Variants in KDM4B observed in about 807,000 individuals in gnomAD.
The protein encoded by KDM4B is lysine-specific demethylase 4B.
A neutral mutation model predicts 125.2 loss-of-function variants in KDM4B; 32 were observed. The observed-to-expected ratio is 0.26, with a 90% confidence interval of 0.19 to 0.34. The LOEUF is 0.34. Ranked by LOEUF, KDM4B falls within the 10% of genes least tolerant of loss-of-function variation. KDM4B has a pLI of 1.00. For synonymous variants in KDM4B, 721 were observed against 677.9 expected (o/e 1.06, Z -0.99); for missense variants, 1,190 against 1,577.7 (o/e 0.75, Z 4.16).
At chr19:5,137,512 T>C in intron 16 of KDM4B, 109 bp from the exon 17 acceptor site, 1 of 1,287,850 alleles carries the variant, frequency 7.8e-7, no homozygotes. Context: ...GGCTGCTAGG[T>C]TGAAATATAA....
In KDM4B at chr19:5,114,678, G is replaced by C. The variant is rs1400612358; in HGVS notation, c.1115+3860G>C. Among the ~76,000 whole-genome samples, 1 of 151,924 alleles carries C rather than the reference G, an allele frequency of 6.6e-6. No homozygotes were observed. The highest frequency in any genetic ancestry group is 2.4e-5 in the African/African-American group (1 of 41,388). Reference sequence around the variant, plus strand: ...AGCACTGGGCCACTTTGGGTCGGGGGTGGGCGGCTCTGAGGGCTCAGCCTG... The same window carrying C: ...AGCACTGGGCCACTTTGGGTCGGGGCTGGGCGGCTCTGAGGGCTCAGCCTG... On this transcript the variant is annotated intron_variant, in intron 10 of 22. Transcript: ENST00000159111. The surrounding 1 kb of genome is among the most constrained non-coding windows in gnomAD (Gnocchi z 5.8).
intron 1 of KDM4B, among the ~76,000 whole-genome samples, chr19:4,984,209 C>T (rs772723695): frequency 2.0e-5 from 3 of 152,188 alleles, no homozygotes; most frequent in Non-Finnish European, 4.4e-5. Context: ...TCCAGAGTGG[C>T]GCTGGCCAGG....
intron 18 of KDM4B, chr19:5,140,314 C>T (rs1451520121): frequency 6.6e-6 from 1 of 152,598 alleles, no homozygotes; most frequent in African/African-American, 2.4e-5. Flanking sequence ...CCCTGCAGGG[C>T]TGTCTGCTGC....
At chr19:5,110,270 A>G (rs2039114344) in intron 9 of KDM4B, among the ~76,000 whole-genome samples, 1 of 152,206 alleles carries the variant, frequency 6.6e-6, no homozygotes, top group African/African-American at 2.4e-5. Flanking sequence ...CAGGAGTTCA[A>G]GACTAGCCTG....
At chr19:5,111,605 C>A in intron 10 of KDM4B, 1 of 719,094 alleles carries the variant, frequency 1.4e-6, no homozygotes, top group Non-Finnish European at 2.5e-6. Flanking sequence ...GGGCTCTGAG[C>A]TGCCCTTGGC....
intron 1 of KDM4B, among the ~76,000 whole-genome samples, chr19:4,984,259 C>G (rs2034750754): frequency 6.6e-6 from 1 of 152,166 alleles, no homozygotes; most frequent in South Asian, 2.1e-4. Context: ...TTTCTCTGGG[C>G]TTGTTTCTGC....
chr19:4,982,943 C>A (rs2034695926), intron 1 of KDM4B, among the ~76,000 whole-genome samples: 1 of 151,954 alleles, frequency 6.6e-6, no homozygotes, highest in Non-Finnish European at 1.5e-5. Flanking sequence ...GCAGCGCTGT[C>A]CAGTGAGGAT....
At chr19:5,098,881 A>C (rs2038878603) in intron 9 of KDM4B, among the ~76,000 whole-genome samples, 1 of 152,276 alleles carries the variant, frequency 6.6e-6, no homozygotes, top group East Asian at 1.9e-4. Flanking sequence ...AGAAATAAGC[A>C]ATTTGCTTAT....
chr19:5,105,675 G>A (rs554176030), intron 9 of KDM4B, among the ~76,000 whole-genome samples: 1 of 152,302 alleles, frequency 6.6e-6, no homozygotes, highest in African/African-American at 2.4e-5. Context: ...GGCCTCAAGC[G>A]ATCCTCCTGC....
At chr19:5,102,328 G>T (rs1382585536) in intron 9 of KDM4B, among the ~76,000 whole-genome samples, 1 of 152,226 alleles carries the variant, frequency 6.6e-6, no homozygotes, top group Non-Finnish European at 1.5e-5. Flanking sequence ...AGAGCCAGGA[G>T]CCATGAGCGT....
chr19:5,049,837 G>A (rs531374135), intron 6 of KDM4B, among the ~76,000 whole-genome samples: 110 of 152,236 alleles, frequency 7.2e-4, no homozygotes, highest in South Asian at 3.9e-3. Flanking sequence ...GTGACTTGCC[G>A]GAGCCTCTTG....
At chr19:5,132,901 C>G (rs2039584611) in intron 13 of KDM4B, among the ~76,000 whole-genome samples, 1 of 152,212 alleles carries the variant, frequency 6.6e-6, no homozygotes, top group South Asian at 2.1e-4. Flanking sequence ...GCTGGCGGTA[C>G]TGTCTGGTTT....
chr19:4,983,738 C>T (rs1419905061), intron 1 of KDM4B, among the ~76,000 whole-genome samples: 1 of 152,160 alleles, frequency 6.6e-6, no homozygotes, highest in Non-Finnish European at 1.5e-5. Flanking sequence ...TGTGGATCAG[C>T]ACCGCCCAGG....
At chr19:5,015,647 C>G (rs369975299) in intron 1 of KDM4B, among the ~76,000 whole-genome samples, 2 of 152,082 alleles carry the variant, frequency 1.3e-5, no homozygotes, top group Non-Finnish European at 2.9e-5. Context: ...GCCAGGAGCT[C>G]GAGACCAGCC....
chr19:5,028,589 T>G (rs771322445), intron 2 of KDM4B, among the ~76,000 whole-genome samples: 1 of 152,202 alleles, frequency 6.6e-6, no homozygotes, highest in South Asian at 2.1e-4. Flanking sequence ...CTTGGGCAGA[T>G]ACGCAGGAGT....
intron 7 of KDM4B, 105 bp from the exon 8 acceptor site, chr19:5,077,262 C>T (rs1453620950): frequency 5.4e-6 from 5 of 926,022 alleles, no homozygotes; most frequent in Non-Finnish European, 8.5e-6. Flanking sequence ...TCCCACACGC[C>T]CGCTCTCCAT....
At chr19:5,021,160 A>C in intron 2 of KDM4B, among the ~76,000 whole-genome samples, 1 of 150,038 alleles carries the variant, frequency 6.7e-6, no homozygotes, top group African/African-American at 2.5e-5. Flanking sequence ...AAAAAAAAGA[A>C]AGAAAACACC....
intron 9 of KDM4B, among the ~76,000 whole-genome samples, chr19:5,103,387 G>A (rs576692030): frequency 5.3e-5 from 8 of 152,172 alleles, no homozygotes; most frequent in South Asian, 4.1e-4. Context: ...CTGCATAACC[G>A]GAGGCAAACC....
chr19:5,138,061 G>T lies in KDM4B; in HGVS notation c.2541G>T (p.Arg847=), dbSNP rs2039680516. The change falls in exon 18 of 23, where the codon CGG becomes CGT. Residue 847 remains arginine, a synonymous_variant. Coordinates refer to ENST00000159111, the MANE Select transcript of KDM4B (RefSeq NM_015015.3). Reference sequence around the variant, plus strand: ...ACATCAGCGCCATCCCCGAGCAGCGGTGGAAGCTGGTAGGTCCTTGCGGTC... The same window carrying T: ...ACATCAGCGCCATCCCCGAGCAGCGTTGGAAGCTGGTAGGTCCTTGCGGTC... The part of the protein sequence containing the change: ...PVDISAIPEQ[R]WKLKCVYCRK... 1.2e-6 allele frequency: 2 copies of T among 1,611,854 alleles called. No individual in the cohort carries two copies. The highest frequency in any genetic ancestry group is 1.7e-6 in the Non-Finnish European group (2 of 1,179,588).
Sources: gnomAD v4.1 joint callset for allele counts (sites outside exome capture counted in the v4.1 genomes callset) on GRCh38, gnomAD v4.1.1 for gene constraint, Gnocchi (gnomAD v3.1) non-coding constraint, MANE v1.5 for transcripts, NCBI Gene and HGNC (gene_info 2026-07-23, HGNC 2026-07-21) for gene names.